The following POLN variants were observed in gnomAD, a reference collection of about 807,000 sequenced individuals.
POLN encodes DNA polymerase N.
POLN carries 108 observed loss-of-function variants against 113.5 expected under a neutral mutation model. The observed-to-expected ratio is 0.95, with a 90% CI of 0.81 to 1.12. The LOEUF is 1.12. POLN is among the 50% of genes most tolerant of loss of function. POLN has a pLI of 0.00. For missense variants in POLN, 1,097 were observed against 1,077.1 expected (o/e 1.02, Z -0.26); for synonymous variants, 386 against 391.5 (o/e 0.99, Z 0.17).
At position 2,090,398 on chromosome 4, in the gene POLN, T is replaced by C. The variant is rs569794876; in HGVS notation, c.2066-4654A>G. On this transcript the variant is annotated intron_variant, in intron 20 of 25. Coordinates refer to ENST00000511885, the MANE Select transcript of POLN (RefSeq NM_181808.4). ...TAAAAACGAGCTTGATTAAATCCAC[T>C]GAGCTGATGGTTCGAAACATAATTG... is the stretch of plus-strand genomic sequence containing the variant. 1.4e-5 allele frequency: 9 copies of C among 635,986 alleles called. No homozygotes were observed. The East Asian group carries it at 2.3e-4, about 17-fold the overall frequency. The allele number at this position is 635,986 out of a possible 1,614,324, so 39.4% of individuals were successfully genotyped here.
rs536445888 is a variant in POLN, at chr4:2,072,440, T to C, written c.2518-141A>G. Reference sequence around the variant, plus strand: ...ATGATCAGACAGCCACACGCACACATGTGCATACACGTGCACACTCACCAC... The same window carrying C: ...ATGATCAGACAGCCACACGCACACACGTGCATACACGTGCACACTCACCAC... On this transcript the variant is annotated intron_variant, in intron 25 of 25. Transcript: ENST00000511885. 272 of 713,240 alleles carry C rather than the reference T, an allele frequency of 3.8e-4. 3 individuals are homozygous for C. The South Asian group carries it at 4.9e-3, about 13-fold the overall frequency. 44.2% of individuals were successfully genotyped at this position (713,240 alleles called of 1,614,324 possible).
intron 1 of POLN, 96 bp downstream of exon 1, chr4:2,241,955 C>T: frequency 4.1e-6 from 4 of 985,446 alleles, no homozygotes; most frequent in Non-Finnish European, 4.8e-6. Flanking sequence ...CCCAGGAGCG[C>T]AGGAAAAAAA....
chr4:2,202,118 A>AAAAAC (rs1260598392), intron 5 of POLN, among the ~76,000 whole-genome samples: 1 of 152,196 alleles, frequency 6.6e-6, no homozygotes, highest in Non-Finnish European at 1.5e-5. Context: ...ATACAATTAA[A>AAAAAC]AAAACAAAAC....
At chr4:2,109,068 A>G (rs1026122244) in intron 19 of POLN, among the ~76,000 whole-genome samples, 4 of 152,222 alleles carry the variant, frequency 2.6e-5, no homozygotes, top group Admixed American at 6.5e-5. Context: ...TCATTAAAAA[A>G]TCATCAATGA....
intron 20 of POLN, among the ~76,000 whole-genome samples, chr4:2,094,811 G>C (rs1400744615): frequency 6.6e-6 from 1 of 152,188 alleles, no homozygotes; most frequent in Non-Finnish European, 1.5e-5. Flanking sequence ...ATTCTCAATG[G>C]AGACTGTAGG....
intron 19 of POLN, among the ~76,000 whole-genome samples, chr4:2,122,677 T>A (rs1731473531): frequency 3.3e-5 from 5 of 152,128 alleles, no homozygotes; most frequent in Admixed American, 1.3e-4. Context: ...GTTTAGCAGG[T>A]CATGGAAAAG....
chr4:2,177,396 T>C, intron 8 of POLN: 1 of 383,310 alleles, frequency 2.6e-6, no homozygotes, highest in Non-Finnish European at 5.2e-6. Context: ...CTCTTCCATT[T>C]ATCTGAACAA....
At chr4:2,102,618 C>T (rs1190563610) in intron 19 of POLN, among the ~76,000 whole-genome samples, 4 of 152,198 alleles carry the variant, frequency 2.6e-5, no homozygotes, top group African/African-American at 4.8e-5. Context: ...ACTGGTCTGC[C>T]TGGAACCGCC....
intron 20 of POLN, among the ~76,000 whole-genome samples, chr4:2,086,888 G>A (rs1471104417): frequency 2.6e-5 from 4 of 152,228 alleles, no homozygotes; most frequent in Admixed American, 2.6e-4. Context: ...GGCCCAGGGG[G>A]TGAAGGTGTG....
intron 7 of POLN, among the ~76,000 whole-genome samples, chr4:2,187,981 T>C (rs1292444253): frequency 6.6e-6 from 1 of 152,054 alleles, no homozygotes; most frequent in African/African-American, 2.4e-5. Context: ...CTGGGTGTGG[T>C]AGAACACACC....
At chr4:2,182,751 T>A (rs561257736) in intron 7 of POLN, among the ~76,000 whole-genome samples, 1 of 151,800 alleles carries the variant, frequency 6.6e-6, no homozygotes, top group Non-Finnish European at 1.5e-5. Flanking sequence ...TGACCTTGGA[T>A]TAAACAATAG....
chr4:2,199,742 A>G (rs1264857458), intron 5 of POLN, among the ~76,000 whole-genome samples: 5 of 150,252 alleles, frequency 3.3e-5, no homozygotes, highest in African/African-American at 5.0e-5. Context: ...ACACCCAGCT[A>G]ATTTTTTTTG....
intron 19 of POLN, among the ~76,000 whole-genome samples, chr4:2,120,327 G>A (rs1731409170): frequency 6.6e-6 from 1 of 151,976 alleles, no homozygotes; most frequent in African/African-American, 2.4e-5. Flanking sequence ...TAAACCTATG[G>A]ACCAATTTTG....
At chr4:2,110,191 T>C (rs561622454) in intron 19 of POLN, among the ~76,000 whole-genome samples, 1 of 152,124 alleles carries the variant, frequency 6.6e-6, no homozygotes, top group South Asian at 2.1e-4. Flanking sequence ...TTGAAACCAA[T>C]GAGAACAAAG....
chr4:2,198,746 C>A, intron 5 of POLN, 29 bp from the exon 6 acceptor site: 2 of 1,549,754 alleles, frequency 1.3e-6, no homozygotes, highest in Non-Finnish European at 8.8e-7. Context: ...ATAAATTAAA[C>A]CCAGACAACA....
intron 2 of POLN, among the ~76,000 whole-genome samples, chr4:2,235,986 AACATT>A (rs1734751103): frequency 6.6e-6 from 1 of 152,234 alleles, no homozygotes; most frequent in South Asian, 2.1e-4. Context: ...CACTAGTATA[AACATT>A]ACATATTCTT....
At chr4:2,122,288 T>C (rs1416653427) in intron 19 of POLN, among the ~76,000 whole-genome samples, 3 of 152,356 alleles carry the variant, frequency 2.0e-5, no homozygotes, top group East Asian at 1.9e-4. Context: ...AGGGGTGTTA[T>C]TAAATTTATT....
At chr4:2,083,988 C>G (rs528716839) in intron 21 of POLN, among the ~76,000 whole-genome samples, 1 of 152,344 alleles carries the variant, frequency 6.6e-6, no homozygotes, top group East Asian at 1.9e-4. Flanking sequence ...GCTGGGGCAG[C>G]CAAGTGCCCC....
In POLN at chr4:2,083,262, G is replaced by A. The variant is rs563448571; in HGVS notation, c.2198-1519C>T. ...TGGCTTACAAAATCCAGCTGCATCT[G>A]CCTCCCAAGTCTGGATCCACGTCTC... On this transcript the variant is annotated intron_variant, in intron 21 of 25. Transcript: ENST00000511885. Among the ~76,000 whole-genome samples the A allele has an allele frequency of 1.1e-3, 170 of 152,232 alleles. 5 individuals are homozygous for A. The South Asian group carries it at 0.034, about 30-fold the overall frequency.
Sources: gnomAD v4.1 joint callset for allele counts (sites outside exome capture counted in the v4.1 genomes callset) on GRCh38, gnomAD v4.1.1 for gene constraint, MANE v1.5 for transcripts, NCBI Gene and HGNC (gene_info 2026-07-23, HGNC 2026-07-21) for gene names.